The following HSD17B12 variants were observed in gnomAD, a reference collection of about 807,000 sequenced individuals.
The protein encoded by HSD17B12 is very-long-chain 3-oxoacyl-CoA reductase.
HSD17B12 carries 32 observed loss-of-function variants against 39.3 expected under a neutral mutation model. The observed-to-expected ratio is 0.81, with a 90% CI of 0.61 to 1.09. The LOEUF is 1.09. HSD17B12 is among the 50% of genes least tolerant of loss of function. The pLI is 0.00. For synonymous variants in HSD17B12, 150 were observed against 146.7 expected, an observed-to-expected ratio of 1.02 and a Z score of -0.16; for missense variants, 342 against 382.9, an observed-to-expected ratio of 0.89 and a Z score of 0.89.
chr11:43,575,971 T>C, the HSD17B12 span, among the ~76,000 whole-genome samples: 1 of 152,290 alleles, frequency 6.6e-6, no homozygotes, highest in East Asian at 1.9e-4. The surrounding 1 kb of genome is among the most constrained non-coding windows in gnomAD (Gnocchi z 4.1). Flanking sequence ...ATTTTTTTTT[T>C]CCTCATCTGG....
At chr11:43,842,254 C>T (rs963206105) in intron 9 of HSD17B12, among the ~76,000 whole-genome samples, 2 of 152,120 alleles carry the variant, frequency 1.3e-5, no homozygotes, top group Non-Finnish European at 2.9e-5. Context: ...AGCTTCTAAA[C>T]CTTTTTATTG....
the HSD17B12 span, among the ~76,000 whole-genome samples, chr11:43,634,726 G>C: frequency 1.3e-5 from 2 of 152,186 alleles, no homozygotes; most frequent in African/African-American, 4.8e-5. Context: ...GGGTGGGATT[G>C]AATGACATGA....
the HSD17B12 span, among the ~76,000 whole-genome samples, chr11:43,660,959 T>G: frequency 6.6e-6 from 1 of 152,258 alleles, no homozygotes. Flanking sequence ...ACCCCGTCTC[T>G]ACTAAAAATA....
At chr11:43,576,750 G>T in the HSD17B12 span, 1 of 152,154 alleles carries the variant, frequency 6.6e-6, no homozygotes, top group Admixed American at 6.5e-5. Flanking sequence ...AGGGGGTAAG[G>T]GGTGTAGCTG....
chr11:43,712,792 A>G lies in HSD17B12; in HGVS notation c.160+31805A>G, dbSNP rs550596656. 2.6e-5 allele frequency among the ~76,000 whole-genome samples: 4 copies of G among 152,308 alleles called. No individual in the cohort carries two copies. In the East Asian group the frequency reaches 7.7e-4, roughly 29 times the overall value. ...CAGATTTTGAGTTCACAACGTTTACAAAAGGTCTGTGTTATAGTGAGAAAA... is the reference window on the plus strand; with the variant it reads ...CAGATTTTGAGTTCACAACGTTTACGAAAGGTCTGTGTTATAGTGAGAAAA... On this transcript the variant is annotated intron_variant, in intron 1 of 10. Transcript: ENST00000278353.
chr11:43,832,756 G>A (rs1313248917), intron 7 of HSD17B12, among the ~76,000 whole-genome samples: 3 of 152,172 alleles, frequency 2.0e-5, no homozygotes, highest in Non-Finnish European at 4.4e-5. Flanking sequence ...GAAGCTGGGC[G>A]CAGTGGTTCA....
intron 4 of HSD17B12, among the ~76,000 whole-genome samples, chr11:43,801,595 GATATATATATATATATATAT>G (rs55674379): frequency 2.7e-5 from 2 of 72,796 alleles, no homozygotes; most frequent in South Asian, 9.7e-4. Flanking sequence ...GATAGTTGGA[GATATATATATATATATATAT>G]ATATATATAT....
At position 43,712,720 on chromosome 11, in the gene HSD17B12, C is replaced by T. The variant is rs928159547; in HGVS notation, c.160+31733C>T. On this transcript the variant is annotated intron_variant, in intron 1 of 10. Transcript: ENST00000278353. ...TTCTGAGGCTGTGTCATGGGTGCGT[C>T]CTTAACGTTGGCAAAATTAACTTTC... Among the ~76,000 whole-genome samples, 10 of 152,082 alleles carry T rather than the reference C, an allele frequency of 6.6e-5. No individual in the cohort carries two copies. The East Asian group carries it at 1.9e-3, about 29-fold the overall frequency.
chr11:43,828,130 T>G (rs1951265970), intron 6 of HSD17B12, among the ~76,000 whole-genome samples: 1 of 151,666 alleles, frequency 6.6e-6, no homozygotes, highest in Non-Finnish European at 1.5e-5. Context: ...TGTAGAAACT[T>G]TTGTCTACTT....
At position 43,838,377 on chromosome 11, in the gene HSD17B12, G is replaced by A. The variant is rs1315697360; in HGVS notation, c.597G>A (p.Leu199=). Residue 199 remains leucine, a synonymous_variant, in exon 8 of 11, where the codon TTG becomes TTA. Coordinates refer to ENST00000278353, the MANE Select transcript of HSD17B12 (RefSeq NM_016142.3). ...GTGGCATGCTCCCTGTCCCACTCTT[G>A]ACCATCTATTCTGCAACCAAGGTAA... ...SGSGMLPVPL[L]TIYSATKTFV... 2 of 1,612,416 alleles carry A rather than the reference G, an allele frequency of 1.2e-6. No homozygotes were observed. The highest frequency in any genetic ancestry group is 2.7e-5 in the African/African-American group (2 of 74,804).
chr11:43,565,180 G>T, the HSD17B12 span, among the ~76,000 whole-genome samples: 1,543 of 152,316 alleles, frequency 0.01, 19 homozygotes, highest in Middle Eastern at 0.02. Flanking sequence ...GATTACAGGC[G>T]TGAGCCACCA....
chr11:43,633,396 G>A, the HSD17B12 span, among the ~76,000 whole-genome samples: 4 of 152,052 alleles, frequency 2.6e-5, no homozygotes, highest in Non-Finnish European at 5.9e-5. Context: ...GCAGGGTGCG[G>A]TGGCAGGCAC....
the HSD17B12 span, among the ~76,000 whole-genome samples, chr11:43,614,088 G>A: frequency 6.6e-6 from 1 of 152,080 alleles, no homozygotes; most frequent in Admixed American, 6.6e-5. Context: ...TACTTTTAAG[G>A]AGATCCACAT....
chr11:43,816,442 A>G, intron 6 of HSD17B12, 51 bp downstream of exon 6: 7 of 1,452,294 alleles, frequency 4.8e-6, no homozygotes, highest in Non-Finnish European at 6.5e-6. Context: ...CCTTCTATTC[A>G]AAAACACTGA....
At chr11:43,584,793 T>G in the HSD17B12 span, 1 of 152,322 alleles carries the variant, frequency 6.6e-6, no homozygotes, top group South Asian at 2.1e-4. Context: ...GATTGGAGAC[T>G]GTCCTCAAAG....
At chr11:43,670,947 A>G in the HSD17B12 span, among the ~76,000 whole-genome samples, 1 of 152,160 alleles carries the variant, frequency 6.6e-6, no homozygotes, top group African/African-American at 2.4e-5. Context: ...AAAATAATAT[A>G]AACTAAAGTA....
the HSD17B12 span, chr11:43,579,475 G>GT: frequency 6.6e-6 from 1 of 152,336 alleles, no homozygotes; most frequent in African/African-American, 2.4e-5. Flanking sequence ...GCTGGCTGCA[G>GT]TGCGGACGGG....
intron 1 of HSD17B12, among the ~76,000 whole-genome samples, chr11:43,738,169 G>A (rs1300595550): frequency 6.7e-6 from 1 of 150,292 alleles, no homozygotes; most frequent in Non-Finnish European, 1.5e-5. Context: ...CACATTATGA[G>A]TGAAGTAGTT....
chr11:43,616,140 GCTCA>G, the HSD17B12 span, among the ~76,000 whole-genome samples: 1 of 152,132 alleles, frequency 6.6e-6, no homozygotes, highest in Non-Finnish European at 1.5e-5. Context: ...GGGCATGGTG[GCTCA>G]CACCTGTAAT....
Sources: allele counts gnomAD v4.1 joint callset (sites outside exome capture counted in the v4.1 genomes callset), GRCh38; gene constraint gnomAD v4.1.1; non-coding constraint Gnocchi (gnomAD v3.1); transcripts MANE v1.5; gene names NCBI Gene and HGNC (gene_info 2026-07-23, HGNC 2026-07-21).